KCNRG: variants seen among roughly 807,000 people sequenced by gnomAD.
The protein encoded by KCNRG is potassium channel regulator, also known as potassium channel regulatory protein.
In KCNRG, 17 loss-of-function variants were observed where a neutral mutation model predicts 17.7. The ratio of observed to expected loss-of-function variants is 0.96; its 90% CI spans 0.66 to 1.44. The LOEUF is 1.44. Among genes scored for constraint, KCNRG ranks in the 40% most tolerant of loss-of-function variants. The pLI, the probability that KCNRG is intolerant of heterozygous loss-of-function variation, is 0.00. For synonymous variants in KCNRG, 97 were observed against 116.5 expected (o/e 0.83, Z 1.08); for missense variants, 311 against 321.1 (o/e 0.97, Z 0.24).
chr13:50,015,528 G>A lies in KCNRG; in HGVS notation c.35G>A (p.Gly12Glu). The A allele has an allele frequency of 6.2e-7, 1 of 1,613,804 alleles. No homozygotes were observed. The highest frequency in any genetic ancestry group is 8.5e-7 in the Non-Finnish European group (1 of 1,179,828). Reference protein sequence around the residue: ...SSQELVTLNVGGKIFTTRFST... With the variant: ...SSQELVTLNVEGKIFTTRFST... ...CAGGAACTGGTCACTTTGAATGTGG[G>A]AGGGAAGATATTCACGACAAGGTTT... Residue 12 changes from glycine to glutamate, a missense_variant, in exon 1 of 2, where the codon GGA becomes GAA. Coordinates refer to ENST00000312942, the MANE Select transcript of KCNRG (RefSeq NM_173605.2).
At chr13:50,016,148 C>A in intron 1 of KCNRG, 77 bp downstream of exon 1, 1 of 1,014,062 alleles carries the variant, frequency 9.9e-7, no homozygotes. Context: ...TTCCTCAGGC[C>A]TGTAACTTCT....
intron 1 of KCNRG, chr13:50,017,015 G>A (rs952151874): frequency 1.2e-5 from 2 of 166,876 alleles, no homozygotes; most frequent in Admixed American, 6.6e-5. Context: ...TAGAATAACC[G>A]AGTATGACAA....
chr13:50,017,691 C>T (rs558890053), intron 1 of KCNRG: 8 of 167,082 alleles, frequency 4.8e-5, no homozygotes, highest in African/African-American at 7.2e-5. Flanking sequence ...AATCTGAATA[C>T]GGTGAAATTA....
In KCNRG at chr13:50,015,967, T is replaced by A. The variant is rs757391824; in HGVS notation, c.474T>A (p.Pro158=). 11 of 1,614,010 alleles carry A rather than the reference T, an allele frequency of 6.8e-6. No homozygotes were observed. The highest frequency in any genetic ancestry group is 9.3e-6 in the Non-Finnish European group (11 of 1,179,964). Residue 158 remains proline (P), a synonymous_variant, in exon 1 of 2, where the codon CCT becomes CCA. Coordinates refer to ENST00000312942, the MANE Select transcript of KCNRG (RefSeq NM_173605.2). ...SAPTWNGNFF[P]PQMTLLPLPP... ...CGACCTGGAATGGTAACTTTTTCCC[T>A]CCTCAGATGACCTTACTTCCACTGC... is the stretch of plus-strand genomic sequence containing the variant.
chr13:50,020,206 T>C lies in KCNRG; in HGVS notation c.579-8T>C. 1 of 1,609,874 alleles carries C rather than the reference T, an allele frequency of 6.2e-7. No homozygotes were observed. The highest frequency in any genetic ancestry group is 8.5e-7 in the Non-Finnish European group (1 of 1,178,262). On this transcript the variant is annotated splice_region_variant and splice_polypyrimidine_tract_variant and intron_variant, in intron 1 of 1. Transcript: ENST00000312942. The stretch of plus-strand genomic sequence containing the variant: ...CTTTATAATTAAGCTTCTTTTTGTG[T>C]GTCCTAGGTATGTTTCTATAAAACC...
chr13:50,019,138 C>G (rs553367229), intron 1 of KCNRG, among the ~76,000 whole-genome samples: 1 of 102,930 alleles, frequency 9.7e-6, no homozygotes, highest in East Asian at 3.3e-4. Context: ...GCATTTTTTT[C>G]TTTTTTTCTT....
At chr13:50,017,591 G>C (rs1270257936) in intron 1 of KCNRG, 2 of 166,856 alleles carry the variant, frequency 1.2e-5, no homozygotes, top group African/African-American at 4.8e-5. Flanking sequence ...ATCACCAAAT[G>C]GTATTCAATT....
chr13:50,015,490 A>G lies in KCNRG; in HGVS notation c.-4A>G. ...GGTAGCCTCTAGTTTGAAGTGAGGG[A>G]AGAATGAGTAGTCAGGAACTGGTCA... On this transcript the variant is annotated 5_prime_UTR_variant, in exon 1 of 2. Transcript: ENST00000312942. 6.3e-7 allele frequency: 1 copy of G among 1,597,854 alleles called. No homozygotes were observed. Among genetic ancestry groups the G allele is most frequent in the Non-Finnish European group, 8.5e-7 (1 of 1,170,260 alleles).
rs1203327127 is a variant in KCNRG at position 50,017,138 on chromosome 13, CCTTAT to C, written c.578+1071_578+1075del. On this transcript the variant is annotated intron_variant, in intron 1 of 1. Transcript: ENST00000312942. ...GGCTGATTGTGAAGAAAATCTAATA[CCTTAT>C]CTTTATCTCAAACCTCTGTACAACT... The C allele has an allele frequency of 7.8e-5, 13 of 166,922 alleles. No individual in the cohort carries two copies. The Admixed American group carries it at 8.5e-4, about 11-fold the overall frequency. The allele number at this position is 166,922 out of a possible 1,614,324, so 10.3% of individuals were successfully genotyped here. A position where few individuals can be genotyped will look rare whatever the true frequency, so the allele number is the denominator to read the frequency against.
rs775436353 is a variant in KCNRG at position 50,020,276 on chromosome 13, T to C, written c.641T>C (p.Leu214Pro). The C allele has an allele frequency of 6.2e-7, 1 of 1,614,054 alleles. No individual in the cohort carries two copies. Among genetic ancestry groups the C allele is most frequent in the South Asian group, 1.1e-5 (1 of 91,080 alleles). Residue 214 changes from leucine (L) to proline (P), a missense_variant, in exon 2 of 2, where the codon CTG (leucine) becomes CCG (proline). Transcript: ENST00000312942. Reference sequence around the variant, plus strand: ...AACGGAACAAATGTCCTCGGCTTACTGATTGACACTTTATTAAAGGAAGGC... The same window carrying C: ...AACGGAACAAATGTCCTCGGCTTACCGATTGACACTTTATTAAAGGAAGGC... Reference protein sequence around the residue: ...LANGTNVLGLLIDTLLKEGFH... With the variant: ...LANGTNVLGLPIDTLLKEGFH...
Position 50,019,534 on chromosome 13 carries a change from T to C in KCNRG, c.579-680T>C, listed in dbSNP as rs545992564. Reference sequence around the variant, plus strand: ...GAGGGGAAATTGTAAGTGCACAGCATTCATTAAAATATTTGATTCAATCAA... The same window carrying C: ...GAGGGGAAATTGTAAGTGCACAGCACTCATTAAAATATTTGATTCAATCAA... On this transcript the variant is annotated intron_variant, in intron 1 of 1. Transcript: ENST00000312942. 1.3e-3 allele frequency among the ~76,000 whole-genome samples: 199 copies of C among 152,364 alleles called. 1 individual carries two copies. The highest frequency in any genetic ancestry group is 4.7e-3 in the African/African-American group (197 of 41,590).
chr13:50,019,457 C>T (rs1031611913), intron 1 of KCNRG, among the ~76,000 whole-genome samples: 1 of 152,120 alleles, frequency 6.6e-6, no homozygotes, highest in East Asian at 1.9e-4. Context: ...AGGAGTAAGT[C>T]GCAAAGGAAA....
chr13:50,018,516 G>T, intron 1 of KCNRG: 1 of 159,598 alleles, frequency 6.3e-6, no homozygotes. Flanking sequence ...TCTTTGCTTA[G>T]AATGAGTTTC....
intron 1 of KCNRG, chr13:50,016,844 T>C (rs1464724634): frequency 6.1e-6 from 1 of 163,210 alleles, no homozygotes; most frequent in Non-Finnish European, 1.5e-5. Flanking sequence ...TGTTCTTTAT[T>C]GGTATCATTT....
At chr13:50,017,970 T>A (rs1168966771) in intron 1 of KCNRG, 3 of 167,050 alleles carry the variant, frequency 1.8e-5, no homozygotes. Context: ...TCAGTTATTA[T>A]CTCTCAAGGT....
Position 50,016,047 on chromosome 13 carries a change from C to G in KCNRG, c.554C>G (p.Thr185Ser). 2 of 1,613,852 alleles carry G rather than the reference C, an allele frequency of 1.2e-6. No individual in the cohort carries two copies. The highest frequency in any genetic ancestry group is 1.7e-6 in the Non-Finnish European group (2 of 1,179,778). ...DLVFQCGSDS[T>S]TDNQTGVRYV... is the part of the protein sequence containing the mutation. ...GTTTTCCAGTGTGGTTCTGACAGCA[C>G]TACTGATAACCAAACTGGAGTCAGG... The change falls in exon 1 of 2, where the codon ACT (threonine) becomes AGT (serine). Residue 185 changes from threonine (T) to serine (S), a missense_variant. Transcript: ENST00000312942.
At position 50,016,071 on chromosome 13, in the gene KCNRG, G is replaced by C. The variant is rs376586545; in HGVS notation, c.578G>C (p.Arg193Thr). ...ACTACTGATAACCAAACTGGAGTCA[G>C]GTATTTTGTACTTTGCAGTATTTCT... ...DSTTDNQTGV[R>T]YVSIKPDNRK... Residue 193 changes from arginine (R) to threonine (T), a missense_variant and splice_region_variant, in exon 1 of 2, where the codon AGG becomes ACG. Arg to Thr is a moderately conservative substitution (Grantham distance 71, BLOSUM62 -1). Transcript: ENST00000312942. 8 of 1,610,306 alleles carry C rather than the reference G, an allele frequency of 5.0e-6. No individual in the cohort carries two copies. In the East Asian group the frequency reaches 8.9e-5, roughly 18 times the overall value.
rs1350056249 is a variant in KCNRG at position 50,015,927 on chromosome 13, A to G, written c.434A>G (p.Glu145Gly). The change falls in exon 1 of 2, where the codon GAA (glutamate) becomes GGA (glycine). Residue 145 changes from glutamate to glycine, a missense_variant. Coordinates refer to ENST00000312942, the MANE Select transcript of KCNRG (RefSeq NM_173605.2). ...MLTGRITVFT[E>G]QPSAPTWNGN... ...ACAGGGAGGATTACAGTGTTTACAG[A>G]ACAACCTTCAGCGCCGACCTGGAAT... 1 of 1,614,086 alleles carries G rather than the reference A, an allele frequency of 6.2e-7. No homozygotes were observed. Among genetic ancestry groups the G allele is most frequent in the East Asian group, 2.2e-5 (1 of 44,880 alleles).
intron 1 of KCNRG, chr13:50,016,322 A>G: frequency 2.5e-6 from 1 of 401,126 alleles, no homozygotes; most frequent in Non-Finnish European, 4.6e-6. Flanking sequence ...AACTGAGACT[A>G]TGGACATTCA....
Sources: allele counts gnomAD v4.1 joint callset (sites outside exome capture counted in the v4.1 genomes callset), GRCh38; gene constraint gnomAD v4.1.1; transcripts MANE v1.5; gene names NCBI Gene and HGNC (gene_info 2026-07-23, HGNC 2026-07-21).